Variants in SIK3 observed in about 807,000 individuals in gnomAD.
SIK3 encodes the protein serine/threonine-protein kinase SIK3.
Under a neutral mutation model 144.2 loss-of-function variants are expected in SIK3, and 28 were observed. That is an observed-to-expected ratio of 0.19 (90% CI 0.14 to 0.27). The LOEUF (loss-of-function observed/expected upper bound fraction) is 0.27. Ranked by LOEUF, SIK3 falls within the 10% of genes least tolerant of loss-of-function variation. The probability of loss-of-function intolerance (pLI) is 1.00; values close to 1 mark genes in which losing one functional copy is unlikely to be tolerated. For missense variants in SIK3, 1,319 were observed against 1,776.0 expected, an observed-to-expected ratio of 0.74 and a Z score of 4.62; for synonymous variants, 686 against 676.3, an observed-to-expected ratio of 1.01 and a Z score of -0.22.
At chr11:116,895,636 A>G (rs746900046) in intron 6 of SIK3, among the ~76,000 whole-genome samples, 5 of 152,240 alleles carry the variant, frequency 3.3e-5, no homozygotes, top group Non-Finnish European at 5.9e-5. Context: ...AAATGGTGAT[A>G]AAATACTGTT....
chr11:117,017,639 T>G (rs1386671094), intron 1 of SIK3, among the ~76,000 whole-genome samples: 1 of 152,166 alleles, frequency 6.6e-6, no homozygotes, highest in East Asian at 1.9e-4. Context: ...TACTCCTGAT[T>G]AGGTCATCAT....
chr11:117,058,901 T>C (rs1304665246), intron 1 of SIK3, among the ~76,000 whole-genome samples: 1 of 152,082 alleles, frequency 6.6e-6, no homozygotes, highest in Non-Finnish European at 1.5e-5. Flanking sequence ...GCATGGCATG[T>C]GGGAAAGAAG....
At position 116,922,905 on chromosome 11, in the gene SIK3, CTCTTTT is replaced by C. The variant is rs1388951169; in HGVS notation, c.616+4308_616+4313del. 1.9e-4 allele frequency among the ~76,000 whole-genome samples: 23 copies of C among 118,692 alleles called. 1 individual carries two copies. The highest frequency in any genetic ancestry group is 5.8e-4 in the South Asian group (2 of 3,472). The allele number at this position is 118,692 out of a possible 152,430, so 77.9% of individuals were successfully genotyped here. On this transcript the variant is annotated intron_variant, in intron 4 of 24. Coordinates refer to ENST00000445177, the MANE Select transcript of SIK3 (RefSeq NM_001366686.3). ...TACGACTAATTTCTCCTTTTCTTTT[CTCTTTT>C]TTTTTTTTTTTTTTTTTTTTTTTGA...
chr11:117,048,797 C>T (rs542395358), intron 1 of SIK3, among the ~76,000 whole-genome samples: 1 of 152,072 alleles, frequency 6.6e-6, no homozygotes, highest in African/African-American at 2.4e-5. Context: ...TCAGAACCCA[C>T]GTCCTTTAAA....
chr11:116,984,274 T>C (rs182564600), intron 1 of SIK3, among the ~76,000 whole-genome samples: 3 of 152,238 alleles, frequency 2.0e-5, no homozygotes, highest in Admixed American at 2.0e-4. Flanking sequence ...TTTTGGCTAT[T>C]AGTAGGCACT....
At chr11:116,927,082 T>A (rs1223378063) in intron 4 of SIK3, 137 bp downstream of exon 4, 17 of 415,242 alleles carry the variant, frequency 4.1e-5, no homozygotes, top group Non-Finnish European at 6.1e-5. Context: ...TTTCAGGCTA[T>A]TTTTTTTTTC....
intron 1 of SIK3, among the ~76,000 whole-genome samples, chr11:117,045,102 A>G (rs1952900971): frequency 6.6e-6 from 1 of 152,166 alleles, no homozygotes; most frequent in East Asian, 1.9e-4. Flanking sequence ...ACTCATTTCA[A>G]CATTGCTCTT....
rs1355652751 is a variant in SIK3 at position 116,846,103 on chromosome 11, G to A, written c.*13+280C>T. Among the ~76,000 whole-genome samples the A allele has an allele frequency of 6.6e-6, 1 of 152,218 alleles. No individual in the cohort carries two copies. Among genetic ancestry groups the A allele is most frequent in the Non-Finnish European group, 1.5e-5 (1 of 68,040 alleles). On this transcript the variant is annotated intron_variant, in intron 24 of 24. Coordinates refer to ENST00000445177, the MANE Select transcript of SIK3 (RefSeq NM_001366686.3). The surrounding 1 kb of genome is among the most constrained non-coding windows in gnomAD (Gnocchi z 4.1). The stretch of plus-strand genomic sequence containing the variant: ...GTAGCTCACTTCTGTCGCTATGAAG[G>A]CTAGAGCACCTGTAACACACGGCGA...
intron 1 of SIK3, among the ~76,000 whole-genome samples, chr11:117,095,898 G>C (rs1338127100): frequency 6.6e-6 from 1 of 152,152 alleles, no homozygotes; most frequent in Non-Finnish European, 1.5e-5. Context: ...TCTCATTCAA[G>C]ACTTTGAATA....
At chr11:116,870,664 CA>C (rs1319291957) in intron 13 of SIK3, among the ~76,000 whole-genome samples, 5 of 152,174 alleles carry the variant, frequency 3.3e-5, no homozygotes, top group Non-Finnish European at 1.5e-5. Context: ...CTTACTGTTA[CA>C]GGATAAAATG....
chr11:116,950,173 G>A (rs1948868938), intron 3 of SIK3: 1 of 470,670 alleles, frequency 2.1e-6, no homozygotes, highest in Admixed American at 2.4e-5. Flanking sequence ...AGAAGAAGGG[G>A]CCCCCATCTC....
At chr11:117,074,312 T>C (rs1198217963) in intron 1 of SIK3, among the ~76,000 whole-genome samples, 2 of 152,098 alleles carry the variant, frequency 1.3e-5, no homozygotes, top group Non-Finnish European at 2.9e-5. Flanking sequence ...CTAGGTCTAC[T>C]TCCTCTTATT....
chr11:116,978,346 C>T (rs780688637), intron 1 of SIK3, among the ~76,000 whole-genome samples: 11 of 152,152 alleles, frequency 7.2e-5, no homozygotes, highest in Admixed American at 2.6e-4. Context: ...ATAGTTCCTA[C>T]GTACTCTTCC....
intron 4 of SIK3, among the ~76,000 whole-genome samples, chr11:116,906,894 A>C (rs1946069822): frequency 6.6e-6 from 1 of 152,218 alleles, no homozygotes. Context: ...AACAGATACT[A>C]ATCCTAAGTT....
chr11:116,903,323 G>A (rs990399897), intron 4 of SIK3, among the ~76,000 whole-genome samples: 3 of 152,202 alleles, frequency 2.0e-5, no homozygotes, highest in Non-Finnish European at 4.4e-5. Flanking sequence ...TTTAGGTTCT[G>A]TTGATAGTTT....
intron 6 of SIK3, among the ~76,000 whole-genome samples, chr11:116,878,578 C>T (rs909059917): frequency 2.0e-5 from 3 of 152,136 alleles, no homozygotes; most frequent in African/African-American, 7.2e-5. Flanking sequence ...CGAGGTTTCA[C>T]CATGTTGGCC....
At chr11:116,993,456 T>C (rs1950559268) in intron 1 of SIK3, among the ~76,000 whole-genome samples, 1 of 152,174 alleles carries the variant, frequency 6.6e-6, no homozygotes, top group Non-Finnish European at 1.5e-5. Flanking sequence ...ACAGAATAAA[T>C]TTAGCCTTAT....
rs537651640 is a variant in SIK3, at chr11:117,074,242, A to T, written c.273+23901T>A. ...CTGATGTCCAGTTCCACTTACTCCT[A>T]GCAAACAGGATCCCAATTTCTAGAA... On this transcript the variant is annotated intron_variant, in intron 1 of 24. Transcript: ENST00000445177. 1.7e-3 allele frequency among the ~76,000 whole-genome samples: 252 copies of T among 152,294 alleles called. 2 individuals are homozygous for T. Among genetic ancestry groups the T allele is most frequent in the African/African-American group, 5.6e-3 (234 of 41,556 alleles).
chr11:116,903,595 T>C (rs1158500512), intron 4 of SIK3, among the ~76,000 whole-genome samples: 1 of 152,190 alleles, frequency 6.6e-6, no homozygotes, highest in Non-Finnish European at 1.5e-5. Flanking sequence ...AAAACTTTTT[T>C]TTTGGAGATG....
Sources: gnomAD v4.1 joint callset for allele counts (sites outside exome capture counted in the v4.1 genomes callset) on GRCh38, gnomAD v4.1.1 for gene constraint, Gnocchi (gnomAD v3.1) non-coding constraint, MANE v1.5 for transcripts, NCBI Gene and HGNC (gene_info 2026-07-23, HGNC 2026-07-21) for gene names.